DPP4: variants seen among roughly 807,000 people sequenced by gnomAD.
DPP4 encodes dipeptidyl peptidase 4.
A neutral mutation model predicts 122.4 loss-of-function variants in DPP4; 93 were observed. The ratio of observed to expected loss-of-function variants is 0.76; its 90% CI spans 0.64 to 0.90. The LOEUF (loss-of-function observed/expected upper bound fraction) is 0.90, where lower values mean the gene tolerates loss of function less well. DPP4 is among the 40% of genes least tolerant of loss of function. DPP4 has a pLI of 0.00. For synonymous variants in DPP4, 321 were observed against 302.9 expected (o/e 1.06, Z -0.62); for missense variants, 914 against 907.3 (o/e 1.01, Z -0.09).
chr2:162,073,219 C>G (rs768308075), intron 2 of DPP4, 180 bp downstream of exon 2: 6 of 582,016 alleles, frequency 1.0e-5, no homozygotes, highest in East Asian at 2.8e-5. Flanking sequence ...CACTGAAGAC[C>G]CCGCGAAGTG....
intron 10 of DPP4, chr2:162,032,246 T>G (rs1476028135): frequency 6.6e-6 from 1 of 152,244 alleles, no homozygotes; most frequent in Non-Finnish European, 1.5e-5. Flanking sequence ...TTTCTTAATC[T>G]GTAGGCCTCA....
chr2:162,021,886 C>A (rs1403330778), intron 12 of DPP4, among the ~76,000 whole-genome samples: 4 of 145,852 alleles, frequency 2.7e-5, no homozygotes, highest in Non-Finnish European at 4.6e-5. Context: ...TCTGCCCAAT[C>A]AATGCCTGAA....
chr2:162,016,914 G>A (rs1398753060), intron 17 of DPP4, 48 bp from the exon 18 acceptor site: 2 of 1,556,934 alleles, frequency 1.3e-6, no homozygotes, highest in Non-Finnish European at 1.8e-6. Flanking sequence ...TGTGAAAAAT[G>A]TGGATTATGT....
Position 162,018,776 on chromosome 2 carries a change from G to C in DPP4, c.1373C>G (p.Ser458Cys), listed in dbSNP as rs1326283044. 1 of 1,614,150 alleles carries C rather than the reference G, an allele frequency of 6.2e-7. No homozygotes were observed. Among genetic ancestry groups the C allele is most frequent in the Non-Finnish European group, 8.5e-7 (1 of 1,180,036 alleles). The part of the protein sequence containing the change: ...ELNPERCQYY[S>C]VSFSKEAKYY... ...CTTCGCCTCTTTACTGAATGACACA[G>C]AATAGTACTGACACCTTTCCGGATT... Residue 458 changes from serine to cysteine, a missense_variant, in exon 16 of 26, where the codon TCT becomes TGT. Ser to Cys is a moderately radical substitution (Grantham distance 112). Coordinates refer to ENST00000360534, the MANE Select transcript of DPP4 (RefSeq NM_001935.4).
intron 2 of DPP4, among the ~76,000 whole-genome samples, chr2:162,054,025 AC>A (rs1172823339): frequency 5.3e-5 from 8 of 150,408 alleles, no homozygotes; most frequent in Non-Finnish European, 8.9e-5. Context: ...GCAAAGCCTT[AC>A]TGGGGGGGTG....
At position 162,020,575 on chromosome 2, in the gene DPP4, A is replaced by T; in HGVS notation, c.1176+6T>A. On this transcript the variant is annotated splice_donor_region_variant and intron_variant, in intron 13 of 25. Coordinates refer to ENST00000360534, the MANE Select transcript of DPP4 (RefSeq NM_001935.4). ...AACATGAAATAAAATATGTAAGAAT[A>T]CTCACTTTTTTATCTATTTGGAAAT... 6.3e-7 allele frequency: 1 copy of T among 1,581,788 alleles called. No homozygotes were observed. Among genetic ancestry groups the T allele is most frequent in the Non-Finnish European group, 8.6e-7 (1 of 1,165,358 alleles).
At chr2:162,044,206 A>C (rs73971540) in intron 5 of DPP4, among the ~76,000 whole-genome samples, 2 of 152,178 alleles carry the variant, frequency 1.3e-5, no homozygotes, top group African/African-American at 4.8e-5. Context: ...ATTAATTGGC[A>C]ACAGATGTGT....
intron 2 of DPP4, among the ~76,000 whole-genome samples, chr2:162,053,971 C>T (rs1272266301): frequency 6.6e-6 from 1 of 152,068 alleles, no homozygotes; most frequent in Non-Finnish European, 1.5e-5. Context: ...GAGTCACAGG[C>T]ACAAGACTTC....
At chr2:161,997,637 A>G (rs1576030158) in intron 23 of DPP4, among the ~76,000 whole-genome samples, 1 of 152,208 alleles carries the variant, frequency 6.6e-6, no homozygotes, top group Admixed American at 6.5e-5. Context: ...CTTTCTATCC[A>G]TACACCATAC....
At position 162,018,833 on chromosome 2, in the gene DPP4, T is replaced by G; in HGVS notation, c.1316A>C (p.Tyr439Ser). The change falls in exon 16 of 26, where the codon TAT (tyrosine) becomes TCT (serine). Residue 439 changes from tyrosine to serine, a missense_variant. By Grantham distance (144) the Tyr-to-Ser change is moderately radical. Coordinates refer to ENST00000360534, the MANE Select transcript of DPP4 (RefSeq NM_001935.4). ...RNLYKIQLSD[Y>S]TKVTCLSCEL... ...ACAACTGAGGCATGTCACTTTTGTA[T>G]AGTCACTAAGTTGGATTCTGTAAAA... 1.9e-6 allele frequency: 3 copies of G among 1,614,168 alleles called. No homozygotes were observed. Among genetic ancestry groups the G allele is most frequent in the Non-Finnish European group, 2.5e-6 (3 of 1,180,040 alleles).
chr2:162,060,518 T>C (rs568797961), intron 2 of DPP4, among the ~76,000 whole-genome samples: 2 of 152,364 alleles, frequency 1.3e-5, no homozygotes, highest in East Asian at 3.9e-4. Flanking sequence ...GTTTGTTTTC[T>C]TCCCTTTTTT....
chr2:161,994,449 T>G (rs1040820154), intron 25 of DPP4, among the ~76,000 whole-genome samples: 1 of 152,240 alleles, frequency 6.6e-6, no homozygotes, highest in African/African-American at 2.4e-5. Context: ...CATTCCTGAC[T>G]TTATAAAACA....
At chr2:162,024,971 G>C in intron 10 of DPP4, 32 bp from the exon 11 acceptor site, 1 of 1,607,650 alleles carries the variant, frequency 6.2e-7, no homozygotes, top group Non-Finnish European at 8.5e-7. Context: ...AGGACAGAGA[G>C]AGAGAATGAA....
chr2:162,001,088 C>T (rs909779037), intron 23 of DPP4, among the ~76,000 whole-genome samples: 44 of 152,304 alleles, frequency 2.9e-4, no homozygotes, highest in African/African-American at 1.0e-3. Context: ...CGAAATCTTT[C>T]TCTAATGATT....
rs529884156 is a variant in DPP4, at chr2:162,059,123, C to T, written c.95-11622G>A. Among the ~76,000 whole-genome samples, 56 of 152,234 alleles carry T rather than the reference C, an allele frequency of 3.7e-4. 2 individuals carry two copies. Among genetic ancestry groups the T allele is most frequent in the Middle Eastern group, 3.4e-3 (1 of 294 alleles). On this transcript the variant is annotated intron_variant, in intron 2 of 25. Coordinates refer to ENST00000360534, the MANE Select transcript of DPP4 (RefSeq NM_001935.4). Reference sequence around the variant, plus strand: ...GAAATGCAAGGCTGGAAGGACTGACCGAACTAAGCCGAGTTACACTGCCTG... The same window carrying T: ...GAAATGCAAGGCTGGAAGGACTGACTGAACTAAGCCGAGTTACACTGCCTG...
At chr2:161,995,259 C>A in intron 24 of DPP4, 41 bp downstream of exon 24, 1 of 1,573,178 alleles carries the variant, frequency 6.4e-7, no homozygotes, top group Non-Finnish European at 8.7e-7. Context: ...AAATTGCAAA[C>A]CTGTCTGTGA....
chr2:162,068,601 G>A (rs1685022248), intron 2 of DPP4, among the ~76,000 whole-genome samples: 2 of 152,146 alleles, frequency 1.3e-5, no homozygotes, highest in South Asian at 4.1e-4. Context: ...TCTGAGGCTA[G>A]GTCATAAAAG....
At chr2:161,994,324 A>G (rs1700938922) in intron 25 of DPP4, among the ~76,000 whole-genome samples, 1 of 152,242 alleles carries the variant, frequency 6.6e-6, no homozygotes. Context: ...AAATACATAT[A>G]CATACATGCA....
rs555831021 is a variant in DPP4 at position 162,014,141 on chromosome 2, T to C, written c.1637+255A>G. Among the ~76,000 whole-genome samples, 12 of 152,258 alleles carry C rather than the reference T, an allele frequency of 7.9e-5. No individual in the cohort carries two copies. In the East Asian group the frequency reaches 1.4e-3, roughly 17 times the overall value. On this transcript the variant is annotated intron_variant, in intron 19 of 25. Coordinates refer to ENST00000360534, the MANE Select transcript of DPP4 (RefSeq NM_001935.4). ...ACTTAAGAATTCCTTTGAAATTCCC[T>C]TGGAGTTCAGAGAAGCAAAACAAAA...
Sources: gnomAD v4.1 joint callset for allele counts (sites outside exome capture counted in the v4.1 genomes callset) on GRCh38, gnomAD v4.1.1 for gene constraint, MANE v1.5 for transcripts, NCBI Gene and HGNC (gene_info 2026-07-23, HGNC 2026-07-21) for gene names.